CACNA1H: variants seen among roughly 807,000 people sequenced by gnomAD.
The protein encoded by CACNA1H is calcium voltage-gated channel subunit alpha1 H, also known as voltage-dependent T-type calcium channel subunit alpha-1H.
In CACNA1H, 149 loss-of-function variants were observed where a neutral mutation model predicts 192.5. The ratio of observed to expected loss-of-function variants is 0.77; its 90% confidence interval spans 0.68 to 0.89. The LOEUF (loss-of-function observed/expected upper bound fraction) is 0.89. Ranked by LOEUF, CACNA1H falls within the 40% of genes least tolerant of loss-of-function variation. CACNA1H has a pLI of 0.00. For missense variants in CACNA1H, 4,257 were observed against 3,423.5 expected (o/e 1.24, Z -6.08); for synonymous variants, 2,202 against 1,475.2 (o/e 1.49, Z -11.29).
intron 2 of CACNA1H, among the ~76,000 whole-genome samples, chr16:1,184,643 C>T (rs1036365710): frequency 1.2e-4 from 18 of 152,296 alleles, no homozygotes; most frequent in Middle Eastern, 3.4e-3. Context: ...GTCACGTGGC[C>T]GGGTGGGTCT....
intron 2 of CACNA1H, among the ~76,000 whole-genome samples, chr16:1,154,920 G>C (rs936256007): frequency 6.6e-6 from 1 of 152,130 alleles, no homozygotes; most frequent in Non-Finnish European, 1.5e-5. Context: ...TGTCAGGGCC[G>C]GGTCTCCCCA....
rs1205242847 is a variant in CACNA1H at position 1,208,137 on chromosome 16, C to G, written c.3279C>G (p.Phe1093Leu). 1 of 1,588,478 alleles carries G rather than the reference C, an allele frequency of 6.3e-7. No homozygotes were observed. The highest frequency in any genetic ancestry group is 8.6e-7 in the Non-Finnish European group (1 of 1,168,930). Residue 1093 changes from phenylalanine to leucine, a missense_variant, in exon 16 of 35, where the codon TTC becomes TTG. Transcript: ENST00000348261. ...TPMPTPKSSP[F>L]LDAAPSLPDS... is the part of the protein sequence containing the mutation. ...TGCCTACCCCCAAGAGCTCACCATTCCTGGATGCAGCCCCCAGCCTCCCAG... is the reference window on the plus strand; with the variant it reads ...TGCCTACCCCCAAGAGCTCACCATTGCTGGATGCAGCCCCCAGCCTCCCAG...
chr16:1,220,872 G>A lies in CACNA1H; in HGVS notation c.6940G>A (p.Val2314Ile), dbSNP rs370867825. 1.9e-5 allele frequency: 30 copies of A among 1,612,590 alleles called. No homozygotes were observed. The highest frequency in any genetic ancestry group is 1.6e-4 in the Middle Eastern group (1 of 6,082). Residue 2314 changes from valine (V) to isoleucine (I), a missense_variant, in exon 35 of 35, where the codon GTC (valine) becomes ATC (isoleucine). By Grantham distance (29) the Val-to-Ile change is conservative. Transcript: ENST00000348261. Reference protein sequence around the residue: ...EPPESEPPMPVGDPPEKRRGL... With the variant: ...EPPESEPPMPIGDPPEKRRGL... ...CCCAGAATCAGAGCCTCCCATGCCC[G>A]TCGGTGACCCCCCAGAGAAGAGGCG... is the stretch of plus-strand genomic sequence containing the variant.
intron 31 of CACNA1H, among the ~76,000 whole-genome samples, chr16:1,217,595 T>C (rs548595834): frequency 4.6e-5 from 7 of 152,260 alleles, no homozygotes; most frequent in African/African-American, 1.4e-4. Flanking sequence ...GTCCACCAGG[T>C]AAGCTTGATT....
rs774838077 is a variant in CACNA1H, at chr16:1,211,933, C to T, written c.4567-13C>T. ...GGGCAGGCGGGCGGGGACCCACCGC[C>T]TCTGTGCCACAGCCTGTGCAGAACC... is the stretch of plus-strand genomic sequence containing the variant. On this transcript the variant is annotated splice_polypyrimidine_tract_variant and intron_variant, in intron 24 of 34. Transcript: ENST00000348261. 9 of 1,612,754 alleles carry T rather than the reference C, an allele frequency of 5.6e-6. No homozygotes were observed. The highest frequency in any genetic ancestry group is 2.7e-5 in the African/African-American group (2 of 74,920).
At chr16:1,158,273 G>A (rs538915360) in intron 2 of CACNA1H, among the ~76,000 whole-genome samples, 19 of 152,306 alleles carry the variant, frequency 1.2e-4, no homozygotes, top group Non-Finnish European at 2.6e-4. Flanking sequence ...GCAGGGCTCA[G>A]GGGGAGGGGC....
chr16:1,181,828 C>T (rs916079926), intron 2 of CACNA1H, among the ~76,000 whole-genome samples: 1 of 152,116 alleles, frequency 6.6e-6, no homozygotes, highest in Non-Finnish European at 1.5e-5. Flanking sequence ...GTGAGCCCGG[C>T]CCATGCACAC....
chr16:1,189,205 C>T (rs571727033), intron 2 of CACNA1H, among the ~76,000 whole-genome samples: 3 of 152,220 alleles, frequency 2.0e-5, no homozygotes, highest in South Asian at 2.1e-4. Context: ...AGCTGGTGTC[C>T]CTGAAGCGTC....
intron 2 of CACNA1H, among the ~76,000 whole-genome samples, chr16:1,163,220 TGTGCCCTG>T (rs1303589840): frequency 1.3e-5 from 2 of 152,222 alleles, no homozygotes; most frequent in African/African-American, 4.8e-5. Flanking sequence ...GGCTTGAGAC[TGTGCCCTG>T]GTGCCCGTCT....
intron 26 of CACNA1H, among the ~76,000 whole-genome samples, chr16:1,213,410 A>C (rs996963066): frequency 3.3e-5 from 5 of 151,970 alleles, no homozygotes; most frequent in African/African-American, 1.2e-4. Context: ...CCAGGCACCC[A>C]GTTGGGATGT....
In CACNA1H at chr16:1,212,372, G is replaced by T. The variant is rs369918248; in HGVS notation, c.4760-139G>T. On this transcript the variant is annotated intron_variant, in intron 25 of 34. Transcript: ENST00000348261. ...CCAACCCCATCCCCAGCGCCCAAGA[G>T]GCAGGTTCCCCACCGAGTCCTCACT... is the stretch of plus-strand genomic sequence containing the variant. 270 of 1,043,212 alleles carry T rather than the reference G, an allele frequency of 2.6e-4. No individual in the cohort carries two copies. In the East Asian group the frequency reaches 5.5e-3, roughly 21 times the overall value. 64.6% of individuals were successfully genotyped at this position (1,043,212 alleles called of 1,614,324 possible).
chr16:1,200,283 G>C lies in CACNA1H; in HGVS notation c.831G>C (p.Pro277=), dbSNP rs374861940. Reference sequence around the variant, plus strand: ...ACAACAACCTGACCTTCCTGCGGCCGTACTACCAGACGGAGGAGGGCGAGG... The same window carrying C: ...ACAACAACCTGACCTTCCTGCGGCCCTACTACCAGACGGAGGAGGGCGAGG... ...VRNNNLTFLR[P]YYQTEEGEEN... is the part of the protein sequence containing the mutation. The change falls in exon 7 of 35, where the codon CCG becomes CCC. Residue 277 remains proline, a synonymous_variant. Transcript: ENST00000348261. The C allele has an allele frequency of 1.4e-5, 22 of 1,603,060 alleles. No individual in the cohort carries two copies. The highest frequency in any genetic ancestry group is 2.7e-5 in the African/African-American group (2 of 74,670).
chr16:1,187,968 G>A (rs965150518), intron 2 of CACNA1H, among the ~76,000 whole-genome samples: 4 of 152,216 alleles, frequency 2.6e-5, no homozygotes, highest in African/African-American at 4.8e-5. Flanking sequence ...GAGCCAGGCC[G>A]AGCCGTGTCA....
At position 1,218,290 on chromosome 16, in the gene CACNA1H, C is replaced by CTTCGTGCTGGTGGCCCAG. The variant is rs2141394048; in HGVS notation, c.5539_5556dup (p.Ala1847_Val1852dup). Reference sequence around the variant, plus strand: ...CCCTGTCGCCCGTCTACTTCGTGACCTTCGTGCTGGTGGCCCAGTTCGTGC... The same window carrying CTTCGTGCTGGTGGCCCAG: ...CCCTGTCGCCCGTCTACTTCGTGACCTTCGTGCTGGTGGCCCAGTTCGTGCTGGTGGCCCAGTTCGTGC... On this transcript the variant is annotated inframe_insertion, in exon 33 of 35. Coordinates refer to ENST00000348261, the MANE Select transcript of CACNA1H (RefSeq NM_021098.3). The CTTCGTGCTGGTGGCCCAG allele has an allele frequency of 6.4e-7, 1 of 1,553,636 alleles. No individual in the cohort carries two copies. Among genetic ancestry groups the CTTCGTGCTGGTGGCCCAG allele is most frequent in the Non-Finnish European group, 8.7e-7 (1 of 1,148,796 alleles).
chr16:1,195,047 C>A lies in CACNA1H; in HGVS notation c.375C>A (p.Asp125Glu), dbSNP rs768580487. The A allele has an allele frequency of 6.2e-7, 1 of 1,605,026 alleles. No homozygotes were observed. Among genetic ancestry groups the A allele is most frequent in the Admixed American group, 1.7e-5 (1 of 59,674 alleles). ...VTLGMFRPCEDVECGSERCNI... is the reference protein window; with the variant it reads ...VTLGMFRPCEEVECGSERCNI... ...TGGGCATGTTCCGGCCCTGTGAGGACGTTGAGTGCGGCTCCGAGCGCTGCA... is the reference window on the plus strand; with the variant it reads ...TGGGCATGTTCCGGCCCTGTGAGGAAGTTGAGTGCGGCTCCGAGCGCTGCA... Residue 125 changes from aspartate (D) to glutamate (E), a missense_variant, in exon 3 of 35, where the codon GAC becomes GAA. Asp to Glu is a conservative substitution (Grantham distance 45). Coordinates refer to ENST00000348261, the MANE Select transcript of CACNA1H (RefSeq NM_021098.3).
At chr16:1,195,714 ACCCT>A in intron 4 of CACNA1H, 149 bp downstream of exon 4, 1 of 1,050,806 alleles carries the variant, frequency 9.5e-7, no homozygotes, top group Non-Finnish European at 1.4e-6. Context: ...GACTCCGGAG[ACCCT>A]CCCTCCTGGG....
chr16:1,168,848 C>T (rs764982130), intron 2 of CACNA1H, among the ~76,000 whole-genome samples: 5 of 152,034 alleles, frequency 3.3e-5, no homozygotes, highest in Non-Finnish European at 7.4e-5. Context: ...CGGGTACTCC[C>T]TCCTCCTCAG....
rs1417102393 is a variant in CACNA1H, at chr16:1,180,145, G to C, written c.300-14827G>C. ...TGGATGGACGGCCAGCCCGTTGGGT[G>C]CCCTGGCTGGGTCCCTGTCCCTGCA... is the stretch of plus-strand genomic sequence containing the variant. On this transcript the variant is annotated intron_variant, in intron 2 of 34. Coordinates refer to ENST00000348261, the MANE Select transcript of CACNA1H (RefSeq NM_021098.3). The surrounding 1 kb of genome is among the most constrained non-coding windows in gnomAD (Gnocchi z 4.4). Among the ~76,000 whole-genome samples the C allele has an allele frequency of 6.6e-6, 1 of 152,002 alleles. No homozygotes were observed. Among genetic ancestry groups the C allele is most frequent in the Non-Finnish European group, 1.5e-5 (1 of 67,966 alleles).
chr16:1,209,247 G>A lies in CACNA1H; in HGVS notation c.3579G>A (p.Leu1193=). ...CGCCCGGGCCCCGTGCCACCCCACT[G>A]CGGCGGGCCGAGTCCCTGGACCCAC... ...RAAPGPRATP[L]RRAESLDPRP... Residue 1193 remains leucine (L), a synonymous_variant, in exon 17 of 35, where the codon CTG becomes CTA. Transcript: ENST00000348261. The A allele has an allele frequency of 6.5e-7, 1 of 1,544,004 alleles. No individual in the cohort carries two copies. Among genetic ancestry groups the A allele is most frequent in the Non-Finnish European group, 8.7e-7 (1 of 1,147,346 alleles).
Sources: allele counts gnomAD v4.1 joint callset (sites outside exome capture counted in the v4.1 genomes callset), GRCh38; gene constraint gnomAD v4.1.1; non-coding constraint Gnocchi (gnomAD v3.1); transcripts MANE v1.5; gene names NCBI Gene and HGNC (gene_info 2026-07-23, HGNC 2026-07-21).